The following WDR19 variants were observed in gnomAD, a reference collection of about 807,000 sequenced individuals.
WDR19 encodes WD repeat-containing protein 19.
In WDR19, 121 loss-of-function variants were observed where a neutral mutation model predicts 180.0. The ratio of observed to expected loss-of-function variants is 0.67; its 90% CI spans 0.58 to 0.78. The LOEUF is 0.78. Among genes scored for constraint, WDR19 ranks in the 30% least tolerant of loss-of-function variants. The pLI is 0.00. For missense variants in WDR19, 1,450 were observed against 1,640.7 expected, an observed-to-expected ratio of 0.88 and a Z score of 2.01; for synonymous variants, 497 against 540.7, an observed-to-expected ratio of 0.92 and a Z score of 1.12.
At chr4:39,281,189 T>A (rs6835337) in intron 36 of WDR19, among the ~76,000 whole-genome samples, 69,204 of 141,778 alleles carry the variant, frequency 0.49, 18,377 homozygotes, top group African/African-American at 0.7. Flanking sequence ...TATTGCCTTC[T>A]TTGTCCTAAA....
At chr4:39,228,964 G>A (rs1000127984) in intron 17 of WDR19, among the ~76,000 whole-genome samples, 3 of 152,012 alleles carry the variant, frequency 2.0e-5, no homozygotes, top group African/African-American at 7.2e-5. Flanking sequence ...TCACCATCCC[G>A]CCTTTTGGAG....
intron 28 of WDR19, among the ~76,000 whole-genome samples, chr4:39,261,289 G>A (rs2109466660): frequency 6.6e-6 from 1 of 152,182 alleles, no homozygotes; most frequent in South Asian, 2.1e-4. Context: ...ACCGCGCCCG[G>A]CCTGGTCTCT....
At chr4:39,254,499 T>G (rs990673772) in intron 26 of WDR19, among the ~76,000 whole-genome samples, 1 of 152,232 alleles carries the variant, frequency 6.6e-6, no homozygotes, top group Non-Finnish European at 1.5e-5. Flanking sequence ...AATTTGATAT[T>G]CTGAGAATGC....
intron 21 of WDR19, among the ~76,000 whole-genome samples, chr4:39,240,748 A>G (rs1408833054): frequency 2.0e-5 from 3 of 152,006 alleles, no homozygotes; most frequent in African/African-American, 7.2e-5. Context: ...TCAGGAGTTC[A>G]AGACCAGCCT....
chr4:39,239,875 T>G (rs1274151104), intron 20 of WDR19, among the ~76,000 whole-genome samples: 1 of 152,176 alleles, frequency 6.6e-6, no homozygotes, highest in East Asian at 1.9e-4. Context: ...AATCTTGTAT[T>G]TGTAAATTGG....
intron 29 of WDR19, 143 bp from the exon 30 acceptor site, chr4:39,267,852 C>G (rs573725872): frequency 2.7e-6 from 2 of 732,834 alleles, no homozygotes; most frequent in African/African-American, 3.5e-5. Context: ...AATAAATAAA[C>G]GAATTCTTTA....
chr4:39,205,582 A>G lies in WDR19; in HGVS notation c.736A>G (p.Met246Val), dbSNP rs1272123640. The change falls in exon 9 of 37, where the codon ATG (methionine) becomes GTG (valine). Residue 246 changes from methionine to valine, a missense_variant. Coordinates refer to ENST00000399820, the MANE Select transcript of WDR19 (RefSeq NM_025132.4). ...CTATAGGTATGGTGATGGCCGCATC[A>G]TGATTGGTTTTTCATGTGGACATTT... ...CYNWYGDGRI[M>V]IGFSCGHFVV... 8.1e-6 allele frequency: 13 copies of G among 1,613,358 alleles called. No individual in the cohort carries two copies. The highest frequency in any genetic ancestry group is 2.2e-5 in the East Asian group (1 of 44,860).
intron 1 of WDR19, 25 bp from the exon 2 acceptor site, chr4:39,185,701 A>G (rs1180072062): frequency 1.3e-5 from 20 of 1,545,586 alleles, no homozygotes; most frequent in Non-Finnish European, 1.8e-5. Context: ...TTTTGAAAAT[A>G]TTAAAAATTG....
At chr4:39,209,840 A>G (rs1269752518) in intron 9 of WDR19, among the ~76,000 whole-genome samples, 1 of 152,194 alleles carries the variant, frequency 6.6e-6, no homozygotes, top group Non-Finnish European at 1.5e-5. Flanking sequence ...CAAGAATGAA[A>G]CAGGAGTATC....
Position 39,260,805 on chromosome 4 carries a change from C to T in WDR19, c.3183+3251C>T, listed in dbSNP as rs79772604. Among the ~76,000 whole-genome samples the T allele has an allele frequency of 1.7e-3, 259 of 152,286 alleles. 1 individual carries two copies. Among genetic ancestry groups the T allele is most frequent in the African/African-American group, 6.0e-3 (249 of 41,552 alleles). On this transcript the variant is annotated intron_variant, in intron 28 of 36. Coordinates refer to ENST00000399820, the MANE Select transcript of WDR19 (RefSeq NM_025132.4). ...CAGCAGCCTTCTCACTGTGTCCACA[C>T]GTGGCCTTTCCTGTACATGTATGCA...
At chr4:39,205,782 C>T (rs1411108984) in intron 9 of WDR19, 46 bp downstream of exon 9, 1 of 1,462,908 alleles carries the variant, frequency 6.8e-7, no homozygotes, top group South Asian at 1.5e-5. Context: ...ATAGTAAATA[C>T]TTAAGTGAAT....
intron 18 of WDR19, 46 bp downstream of exon 18, chr4:39,232,002 T>G (rs745569264): frequency 1.0e-5 from 16 of 1,593,224 alleles, no homozygotes; most frequent in Non-Finnish European, 1.3e-5. Flanking sequence ...TTAAATGCTA[T>G]TTTAAGTTAA....
intron 31 of WDR19, among the ~76,000 whole-genome samples, chr4:39,270,418 C>G (rs2109498955): frequency 6.6e-6 from 1 of 152,258 alleles, no homozygotes; most frequent in African/African-American, 2.4e-5. Context: ...GCTCTTTACC[C>G]AGGCTGGAGT....
intron 26 of WDR19, among the ~76,000 whole-genome samples, chr4:39,255,001 G>C (rs1490693206): frequency 1.3e-5 from 2 of 152,122 alleles, no homozygotes; most frequent in Non-Finnish European, 2.9e-5. Flanking sequence ...TTAGGTAAAA[G>C]CTTCTTGGGA....
Position 39,205,214 on chromosome 4 carries a change from C to G in WDR19, c.664C>G (p.Pro222Ala), listed in dbSNP as rs757241775. Residue 222 changes from proline to alanine, a missense_variant, in exon 8 of 37, where the codon CCA (proline) becomes GCA (alanine). Coordinates refer to ENST00000399820, the MANE Select transcript of WDR19 (RefSeq NM_025132.4). ...FFLNLNEPDNPADLEFQQDFG... is the reference protein window; with the variant it reads ...FFLNLNEPDNAADLEFQQDFG... ...TTTAAATCTGAATGAACCAGATAAC[C>G]CAGCTGATCTTGAATTTCAGCAGGA... 73 of 1,603,040 alleles carry G rather than the reference C, an allele frequency of 4.6e-5. 1 individual carries two copies. Among genetic ancestry groups the G allele is most frequent in the Middle Eastern group, 1.6e-4 (1 of 6,062 alleles).
intron 3 of WDR19, among the ~76,000 whole-genome samples, chr4:39,187,419 CAAA>C (rs71192832): frequency 3.1e-5 from 2 of 63,564 alleles, no homozygotes; most frequent in Non-Finnish European, 3.1e-5. Flanking sequence ...GACTCCATCT[CAAA>C]AAAAAAAAAA....
At chr4:39,182,677 A>AAG (rs148579854) in intron 1 of WDR19, 114 bp downstream of exon 1, 2,462 of 1,387,944 alleles carry the variant, frequency 1.8e-3, no homozygotes, top group Non-Finnish European at 1.9e-3. Context: ...GGAAATGAGG[A>AAG]AGAGAGAGAG....
At chr4:39,202,979 C>T (rs1727531819) in intron 6 of WDR19, among the ~76,000 whole-genome samples, 1 of 152,108 alleles carries the variant, frequency 6.6e-6, no homozygotes, top group South Asian at 2.1e-4. Flanking sequence ...AGCCTGGATC[C>T]TTCCATATTT....
intron 31 of WDR19, among the ~76,000 whole-genome samples, chr4:39,271,100 T>C (rs1332770837): frequency 1.3e-5 from 2 of 152,232 alleles, no homozygotes; most frequent in Admixed American, 1.3e-4. Flanking sequence ...TTTCACCACG[T>C]TGGCCAGGCT....
Sources: gnomAD v4.1 joint callset for allele counts (sites outside exome capture counted in the v4.1 genomes callset) on GRCh38, gnomAD v4.1.1 for gene constraint, MANE v1.5 for transcripts, NCBI Gene and HGNC (gene_info 2026-07-23, HGNC 2026-07-21) for gene names.